The following RFX2 variants were observed in gnomAD, a reference collection of about 807,000 sequenced individuals.
RFX2 encodes DNA-binding protein RFX2.
RFX2 carries 20 observed loss-of-function variants against 87.8 expected under a neutral mutation model. That is an observed-to-expected ratio of 0.23 (90% CI 0.16 to 0.33). RFX2 has a LOEUF of 0.33. Ranked by LOEUF, RFX2 falls within the 10% of genes least tolerant of loss-of-function variation. The pLI, the probability that RFX2 is intolerant of heterozygous loss-of-function variation, is 1.00. For synonymous variants in RFX2, 397 were observed against 431.3 expected (o/e 0.92, Z 0.98); for missense variants, 767 against 1,012.3 (o/e 0.76, Z 3.29).
rs2086479654 is a variant in RFX2, at chr19:6,000,715, T to G, written c.1859+1100A>C. ...TGCTTGTGAGGCCTCCCCAGCCAGG[T>G]GGAACTGTGAGTCCATTCAACCTAT... On this transcript the variant is annotated intron_variant, in intron 15 of 17. Transcript: ENST00000303657. Among the ~76,000 whole-genome samples, 3 of 152,344 alleles carry G rather than the reference T, an allele frequency of 2.0e-5. No homozygotes were observed. In the South Asian group the frequency reaches 6.2e-4, roughly 32 times the overall value.
At chr19:6,070,232 A>G (rs113412378) in intron 1 of RFX2, among the ~76,000 whole-genome samples, 1 of 103,476 alleles carries the variant, frequency 9.7e-6, no homozygotes, top group African/African-American at 3.7e-5. Context: ...ATGGGATGGG[A>G]TGGGATGGGA....
At chr19:6,057,652 C>T (rs746451482) in intron 1 of RFX2, among the ~76,000 whole-genome samples, 8 of 152,184 alleles carry the variant, frequency 5.3e-5, no homozygotes, top group Non-Finnish European at 1.2e-4. Flanking sequence ...GCCATCAGCT[C>T]CTCCTCTCCT....
At position 6,027,315 on chromosome 19, in the gene RFX2, A is replaced by G. The variant is rs1568513887; in HGVS notation, c.523-1078T>C. ...TCATTAGCTACCCTTGCTTCAAGCC[A>G]AGGAGGACGTCAGGGTCACCTTTAA... On this transcript the variant is annotated intron_variant, in intron 5 of 17. Transcript: ENST00000303657. This position sits in a 1 kb window ranked among gnomAD's most constrained non-coding sequence, Gnocchi z 5.0. 1 of 152,210 alleles carries G rather than the reference A, an allele frequency of 6.6e-6. No individual in the cohort carries two copies. The highest frequency in any genetic ancestry group is 6.5e-5 in the Admixed American group (1 of 15,280). The allele number at this position is 152,210 out of a possible 1,614,324, so 9.4% of individuals were successfully genotyped here. A position where few individuals can be genotyped will look rare whatever the true frequency, so the allele number is the denominator to read the frequency against.
chr19:6,091,262 C>G lies in RFX2; in HGVS notation c.-9+19131G>C, dbSNP rs572780525. On this transcript the variant is annotated intron_variant, in intron 1 of 17. Coordinates refer to ENST00000303657, the MANE Select transcript of RFX2 (RefSeq NM_000635.4). ...AACCCAGCACTTTGGGAGGCTGAGG[C>G]TGGGGATTGCTTGAATCCCGGAGTT... Among the ~76,000 whole-genome samples the G allele has an allele frequency of 3.0e-4, 45 of 152,164 alleles. No homozygotes were observed. The South Asian group carries it at 9.1e-3, about 31-fold the overall frequency.
chr19:5,995,541 A>C, intron 17 of RFX2, 60 bp downstream of exon 17: 3 of 1,500,352 alleles, frequency 2.0e-6, no homozygotes, highest in Non-Finnish European at 2.7e-6. Context: ...CAGACAGGCC[A>C]CGGCCAGGAG....
chr19:6,038,330 A>G (rs527243134), intron 5 of RFX2, among the ~76,000 whole-genome samples: 1 of 125,792 alleles, frequency 7.9e-6, no homozygotes, highest in African/African-American at 4.9e-5. Flanking sequence ...CCGTCTCAGA[A>G]AAAAAAAAAA....
chr19:6,106,566 C>G (rs1568200294), intron 1 of RFX2, among the ~76,000 whole-genome samples: 1 of 152,028 alleles, frequency 6.6e-6, no homozygotes, highest in Non-Finnish European at 1.5e-5. Flanking sequence ...TCATATAGTT[C>G]AGTTCAGAAA....
rs566913642 is a variant in RFX2 at position 6,007,154 on chromosome 19, G to A, written c.1260C>T (p.Pro420=). ...TGTCCTTGGGCAGGACGGCGCCCTC[G>A]GGGTCTTCGTCACTGTGGAGGGAGG... ...PTSLPASDED[P]EGAVLPKDKL... is the part of the protein sequence containing the mutation. Residue 420 remains proline (P), a synonymous_variant, in exon 12 of 18, where the codon CCC becomes CCT. Coordinates refer to ENST00000303657, the MANE Select transcript of RFX2 (RefSeq NM_000635.4). The surrounding 1 kb of genome is among the most constrained non-coding windows in gnomAD (Gnocchi z 8.2). 12 of 1,613,584 alleles carry A rather than the reference G, an allele frequency of 7.4e-6. No individual in the cohort carries two copies. Among genetic ancestry groups the A allele is most frequent in the East Asian group, 6.7e-5 (3 of 44,872 alleles).
chr19:6,107,092 G>A (rs2088228339), intron 1 of RFX2, among the ~76,000 whole-genome samples: 1 of 149,740 alleles, frequency 6.7e-6, no homozygotes, highest in Non-Finnish European at 1.5e-5. Flanking sequence ...TCAGGAGATC[G>A]AGACCATCCT....
chr19:6,096,069 G>A (rs1243141601), intron 1 of RFX2, among the ~76,000 whole-genome samples: 1 of 152,164 alleles, frequency 6.6e-6, no homozygotes, highest in Non-Finnish European at 1.5e-5. Context: ...GCCCTTTATA[G>A]AGAATGTTTG....
At chr19:6,060,739 G>A (rs1272259987) in intron 1 of RFX2, among the ~76,000 whole-genome samples, 1 of 151,946 alleles carries the variant, frequency 6.6e-6, no homozygotes, top group Non-Finnish European at 1.5e-5. Context: ...TCGTGTCTGG[G>A]TGCTGTTGTC....
At chr19:6,043,594 A>G (rs982293966) in intron 3 of RFX2, among the ~76,000 whole-genome samples, 2 of 152,256 alleles carry the variant, frequency 1.3e-5, no homozygotes, top group African/African-American at 2.4e-5. Context: ...TTGGTTGCAT[A>G]TCATTTATGG....
chr19:6,098,850 C>T (rs376960035), intron 1 of RFX2, among the ~76,000 whole-genome samples: 29 of 151,204 alleles, frequency 1.9e-4, no homozygotes, highest in African/African-American at 5.8e-4. Flanking sequence ...TTTTATGTAA[C>T]TCTGTTAATT....
At chr19:5,995,321 G>A (rs1022213988) in intron 17 of RFX2, among the ~76,000 whole-genome samples, 2 of 152,164 alleles carry the variant, frequency 1.3e-5, no homozygotes, top group African/African-American at 4.8e-5. Context: ...GGGCGTGGGC[G>A]CAGGAGACCA....
chr19:6,054,800 G>A (rs1157627551), intron 1 of RFX2, among the ~76,000 whole-genome samples: 6 of 152,138 alleles, frequency 3.9e-5, no homozygotes, highest in Non-Finnish European at 1.5e-5. Flanking sequence ...AACATAGGAG[G>A]TTAGACAAAG....
At chr19:5,995,843 G>A (rs1029987953) in intron 16 of RFX2, among the ~76,000 whole-genome samples, 200 bp from the exon 17 acceptor site, 1 of 152,204 alleles carries the variant, frequency 6.6e-6, no homozygotes, top group Non-Finnish European at 1.5e-5. Context: ...CCGCCTCTGG[G>A]AGCTGCTGGG....
At chr19:6,008,569 C>T (rs897805391) in intron 9 of RFX2, among the ~76,000 whole-genome samples, 8 of 151,824 alleles carry the variant, frequency 5.3e-5, no homozygotes, top group African/African-American at 1.7e-4. Context: ...GACAGGATTT[C>T]GCCTTGTTTT....
In RFX2 at chr19:6,004,373, G is replaced by A. The variant is rs2086547299; in HGVS notation, c.1403-75C>T. On this transcript the variant is annotated intron_variant, in intron 12 of 17. Transcript: ENST00000303657. The surrounding 1 kb of genome is among the most constrained non-coding windows in gnomAD (Gnocchi z 4.8). ...CCCTGGAAATCAGCATTCAGTGTAA[G>A]AGCTGGCCCAAGTGCGATGAAAATG... The A allele has an allele frequency of 1.6e-6, 2 of 1,253,414 alleles. No homozygotes were observed. Among genetic ancestry groups the A allele is most frequent in the East Asian group, 4.7e-5 (2 of 42,948 alleles). 77.6% of individuals were successfully genotyped at this position (1,253,414 alleles called of 1,614,324 possible).
At chr19:6,003,016 C>T (rs1365690821) in intron 13 of RFX2, 146 bp from the exon 14 acceptor site, 3 of 898,478 alleles carry the variant, frequency 3.3e-6, no homozygotes, top group African/African-American at 1.7e-5. Context: ...GAACCTCCTG[C>T]TATTCTTAAG....
Sources: allele counts gnomAD v4.1 joint callset (sites outside exome capture counted in the v4.1 genomes callset), GRCh38; gene constraint gnomAD v4.1.1; non-coding constraint Gnocchi (gnomAD v3.1); transcripts MANE v1.5; gene names NCBI Gene and HGNC (gene_info 2026-07-23, HGNC 2026-07-21).